The following LRRIQ1 variants were observed in gnomAD, a reference collection of about 807,000 sequenced individuals.
LRRIQ1 encodes leucine-rich repeat- and IQ domain-containing protein 1.
Under a neutral mutation model 211.9 loss-of-function variants are expected in LRRIQ1, and 210 were observed. The ratio of observed to expected loss-of-function variants is 0.99; its 90% confidence interval spans 0.89 to 1.11. The LOEUF is 1.11. Ranked by LOEUF, LRRIQ1 falls within the 50% of genes most tolerant of loss-of-function variation. The pLI is 0.00. For missense variants in LRRIQ1, 2,136 were observed against 1,939.5 expected (o/e 1.10, Z -1.90); for synonymous variants, 699 against 650.1 (o/e 1.08, Z -1.14).
chr12:85,063,108 C>T (rs940618002), intron 8 of LRRIQ1, among the ~76,000 whole-genome samples: 2 of 151,476 alleles, frequency 1.3e-5, no homozygotes, highest in African/African-American at 2.4e-5. Context: ...TATGTTTGTC[C>T]GGTGCATAGT....
chr12:85,118,317 A>G (rs975594055), intron 15 of LRRIQ1, among the ~76,000 whole-genome samples: 1 of 152,140 alleles, frequency 6.6e-6, no homozygotes, highest in African/African-American at 2.4e-5. Flanking sequence ...CAAAGCGTCA[A>G]GATTTTTATC....
chr12:85,090,330 C>T (rs868453283), intron 11 of LRRIQ1, among the ~76,000 whole-genome samples: 1 of 152,164 alleles, frequency 6.6e-6, no homozygotes, highest in African/African-American at 2.4e-5. Flanking sequence ...TACTGAGGCA[C>T]TACCTAGTAG....
chr12:85,116,795 G>A (rs1049420289), intron 15 of LRRIQ1, among the ~76,000 whole-genome samples: 1 of 151,790 alleles, frequency 6.6e-6, no homozygotes. Flanking sequence ...TTAAAAGTGA[G>A]AACATGTAGT....
chr12:85,124,905 G>A (rs373512949), intron 17 of LRRIQ1: 9 of 217,254 alleles, frequency 4.1e-5, no homozygotes, highest in South Asian at 6.0e-5. Context: ...CAGGCTGGGC[G>A]CGGTGGCTCA....
intron 5 of LRRIQ1, among the ~76,000 whole-genome samples, 154 bp from the exon 6 acceptor site, chr12:85,047,093 T>G (rs141910397): frequency 0.027 from 4,157 of 152,118 alleles, 188 homozygotes; most frequent in African/African-American, 0.095. Flanking sequence ...ATGGCACATG[T>G]ATACATATGT....
intron 15 of LRRIQ1, among the ~76,000 whole-genome samples, chr12:85,120,157 T>C (rs1400565901): frequency 1.3e-5 from 2 of 152,176 alleles, no homozygotes; most frequent in Non-Finnish European, 2.9e-5. Context: ...TTCTAGGAGT[T>C]TTAACATTCT....
intron 24 of LRRIQ1, among the ~76,000 whole-genome samples, chr12:85,215,253 A>G (rs1894021131): frequency 6.6e-6 from 1 of 152,218 alleles, no homozygotes; most frequent in South Asian, 2.1e-4. Flanking sequence ...TTGACACTCC[A>G]GTAGAGTTGA....
chr12:85,207,915 C>A (rs1893641932), intron 24 of LRRIQ1, among the ~76,000 whole-genome samples: 1 of 152,018 alleles, frequency 6.6e-6, no homozygotes, highest in South Asian at 2.1e-4. Context: ...CAATACCATA[C>A]TGTCTTTTTG....
chr12:85,131,824 T>C (rs890971753), intron 18 of LRRIQ1, among the ~76,000 whole-genome samples: 14 of 152,042 alleles, frequency 9.2e-5, no homozygotes, highest in Admixed American at 5.2e-4. Flanking sequence ...GATTTGAATA[T>C]ATGAGAAAGA....
intron 24 of LRRIQ1, among the ~76,000 whole-genome samples, chr12:85,210,312 T>C (rs1474994334): frequency 6.8e-6 from 1 of 147,160 alleles, no homozygotes; most frequent in Non-Finnish European, 1.5e-5. Context: ...ATGTTTGTGA[T>C]CATTTACAGC....
intron 12 of LRRIQ1, 61 bp downstream of exon 12, chr12:85,098,609 A>G: frequency 3.6e-6 from 5 of 1,372,046 alleles, no homozygotes; most frequent in East Asian, 2.3e-5. Context: ...TGATAGAAAT[A>G]CCAATCACAT....
At chr12:85,136,664 T>G (rs1023999818) in intron 18 of LRRIQ1, among the ~76,000 whole-genome samples, 1 of 149,576 alleles carries the variant, frequency 6.7e-6, no homozygotes, top group South Asian at 2.1e-4. Flanking sequence ...TTTCACCATT[T>G]TGTATATTTC....
At chr12:85,251,240 A>G (rs1319669098) in intron 1 of LRRIQ1, among the ~76,000 whole-genome samples, 1 of 151,194 alleles carries the variant, frequency 6.6e-6, no homozygotes, top group Non-Finnish European at 1.5e-5. Flanking sequence ...AAGGACTGAA[A>G]TTGTCAAGAA....
Position 85,047,279 on chromosome 12 carries a change from G to T in LRRIQ1, c.487G>T (p.Val163Leu). The T allele has an allele frequency of 6.2e-7, 1 of 1,601,634 alleles. No individual in the cohort carries two copies. The highest frequency in any genetic ancestry group is 8.5e-7 in the Non-Finnish European group (1 of 1,176,930). ...DADINFGYCE[V>L]EEKCRQSFEA... ...TGATATAAATTTTGGATACTGTGAA[G>T]TGGAAGAAAAATGTAGACAGTCTTT... Residue 163 changes from valine to leucine, a missense_variant, in exon 6 of 27, where the codon GTG becomes TTG. Physicochemically the swap from Val to Leu is conservative, Grantham distance 32 (BLOSUM62 1). Transcript: ENST00000393217.
At chr12:85,263,439 C>G (rs1231641022) in exon 2 of LRRIQ1, 1 of 151,718 alleles carries the variant, frequency 6.6e-6, no homozygotes, top group Non-Finnish European at 1.5e-5. Flanking sequence ...TTTAATGTAG[C>G]AATAATGATT....
At chr12:85,099,183 C>G (rs980071373) in intron 13 of LRRIQ1, among the ~76,000 whole-genome samples, 189 bp downstream of exon 13, 5 of 151,682 alleles carry the variant, frequency 3.3e-5, no homozygotes, top group African/African-American at 1.2e-4. Flanking sequence ...TTGGCATACC[C>G]TAAAATTTTA....
At chr12:85,110,865 AAGTACTTAC>A (rs1283688806) in intron 15 of LRRIQ1, among the ~76,000 whole-genome samples, 1 of 152,076 alleles carries the variant, frequency 6.6e-6, no homozygotes, top group Non-Finnish European at 1.5e-5. Context: ...ATGAGAAATC[AAGTACTTAC>A]AGTGGTCAGA....
chr12:85,255,723 A>G (rs1326771046), intron 1 of LRRIQ1, among the ~76,000 whole-genome samples: 1 of 151,746 alleles, frequency 6.6e-6, no homozygotes. Context: ...TAAACCATTA[A>G]ATCTGATTCT....
chr12:85,098,575 T>A (rs764757682), intron 12 of LRRIQ1, 27 bp downstream of exon 12: 1 of 1,541,718 alleles, frequency 6.5e-7, no homozygotes, highest in Non-Finnish European at 8.8e-7. Flanking sequence ...AATTGATTTC[T>A]GTGATAAAGC....
Sources: gnomAD v4.1 joint callset for allele counts (sites outside exome capture counted in the v4.1 genomes callset) on GRCh38, gnomAD v4.1.1 for gene constraint, MANE v1.5 for transcripts, NCBI Gene and HGNC (gene_info 2026-07-23, HGNC 2026-07-21) for gene names.